NRG2: variants seen among roughly 807,000 people sequenced by gnomAD.
NRG2 encodes neuregulin 2.
A neutral mutation model predicts 73.9 loss-of-function variants in NRG2; 27 were observed. That is an observed-to-expected ratio of 0.37 (90% CI 0.27 to 0.50). NRG2 has a LOEUF of 0.50. Among genes scored for constraint, NRG2 ranks in the 20% least tolerant of loss-of-function variants. NRG2 has a pLI of 0.96. For missense variants in NRG2, 1,126 were observed against 1,210.1 expected (o/e 0.93, Z 1.03); for synonymous variants, 532 against 541.0 (o/e 0.98, Z 0.23).
intron 1 of NRG2, among the ~76,000 whole-genome samples, chr5:140,004,662 T>C (rs569186591): frequency 5.3e-5 from 8 of 152,234 alleles, no homozygotes; most frequent in African/African-American, 1.4e-4. Context: ...GTCAAGATCA[T>C]GGAAGGCAGG....
At chr5:139,906,001 G>GCTTT (rs879681108) in intron 1 of NRG2, among the ~76,000 whole-genome samples, 6 of 152,010 alleles carry the variant, frequency 3.9e-5, no homozygotes, top group Admixed American at 2.0e-4. Flanking sequence ...ATCAGAGTGA[G>GCTTT]CTTTCTTTCT....
At chr5:139,993,795 T>TA (rs5871721) in intron 1 of NRG2, among the ~76,000 whole-genome samples, 152,269 of 152,344 alleles carry the variant, frequency 1, 76,097 homozygotes, top group Non-Finnish European at 1. Flanking sequence ...GTTACGCTGA[T>TA]AAAGGAGTAT....
In NRG2 at chr5:139,904,448, C is replaced by T; in HGVS notation, c.701-16937G>A. On this transcript the variant is annotated intron_variant, in intron 1 of 9. Transcript: ENST00000361474. The surrounding 1 kb of genome is among the most constrained non-coding windows in gnomAD (Gnocchi z 6.0). ...ACGGCCTCAGCTCTCCGCTGCCGCG[C>T]TGCGCCCCCGCCGCCTGCAGCCTCA... 8.7e-7 allele frequency: 1 copy of T among 1,155,206 alleles called. No individual in the cohort carries two copies. The highest frequency in any genetic ancestry group is 1.2e-6 in the Non-Finnish European group (1 of 810,104). The allele number at this position is 1,155,206 out of a possible 1,614,324, so 71.6% of individuals were successfully genotyped here. A position where few individuals can be genotyped will look rare whatever the true frequency, so the allele number is the denominator to read the frequency against.
intron 9 of NRG2, among the ~76,000 whole-genome samples, chr5:139,849,220 A>T (rs1761246612): frequency 6.6e-6 from 1 of 152,202 alleles, no homozygotes; most frequent in African/African-American, 2.4e-5. Context: ...CACAGCCAAG[A>T]AGTGGCAGAG....
At chr5:139,921,551 C>A (rs1751664251) in intron 1 of NRG2, among the ~76,000 whole-genome samples, 1 of 151,792 alleles carries the variant, frequency 6.6e-6, no homozygotes, top group Non-Finnish European at 1.5e-5. Context: ...TAACAGCTAC[C>A]TGTAAAAAAA....
chr5:140,000,093 T>A (rs1253361601), intron 1 of NRG2, among the ~76,000 whole-genome samples: 1 of 152,226 alleles, frequency 6.6e-6, no homozygotes, highest in African/African-American at 2.4e-5. Context: ...CACTATGATA[T>A]CCACAGAGCC....
At chr5:139,888,115 A>AAAACACACACACACACACACAC (rs370887031) in intron 1 of NRG2, among the ~76,000 whole-genome samples, 5 of 148,814 alleles carry the variant, frequency 3.4e-5, no homozygotes, top group African/African-American at 1.2e-4. Flanking sequence ...AAAACAAAAC[A>AAAACACACACACACACACACAC]ACACACACAC....
At position 139,936,636 on chromosome 5, in the gene NRG2, AC is replaced by A. The variant is rs759317389; in HGVS notation, c.701-49126del. 5.5e-4 allele frequency among the ~76,000 whole-genome samples: 84 copies of A among 152,304 alleles called. 1 individual carries two copies. The highest frequency in any genetic ancestry group is 1.0e-3 in the Non-Finnish European group (69 of 68,020). On this transcript the variant is annotated intron_variant, in intron 1 of 9. Coordinates refer to ENST00000361474, the MANE Select transcript of NRG2 (RefSeq NM_004883.3). ...ACTGCAGAAAATAGAGGTCAAGGGA[AC>A]ACTTCTCAACTCATTCTATGAGGCT...
intron 1 of NRG2, among the ~76,000 whole-genome samples, chr5:139,931,926 C>A (rs1437652835): frequency 6.6e-6 from 1 of 152,082 alleles, no homozygotes; most frequent in African/African-American, 2.4e-5. Context: ...ATCAAAAAGA[C>A]AAGAAATAAC....
Position 139,848,677 on chromosome 5 carries a change from G to A in NRG2, c.1793C>T (p.Thr598Met). 1 of 1,559,602 alleles carries A rather than the reference G, an allele frequency of 6.4e-7. No homozygotes were observed. The highest frequency in any genetic ancestry group is 2.5e-5 in the East Asian group (1 of 40,666). ...GTCCACGGGCGAGAGGCGCGCGGGC[G>A]TGGTCAGGGCCGACACGTACCTGCG... ...HSERYVSALT[T>M]PARLSPVDFH... Residue 598 changes from threonine (T) to methionine (M), a missense_variant, in exon 10 of 10, where the codon ACG becomes ATG. Thr to Met is a moderately conservative substitution (Grantham distance 81). This residue lies in a region of NRG2 where 539 missense variants were observed against 703.2 expected (regional missense o/e 0.77). Coordinates refer to ENST00000361474, the MANE Select transcript of NRG2 (RefSeq NM_004883.3).
At chr5:140,025,137 C>T (rs1307165683) in intron 1 of NRG2, among the ~76,000 whole-genome samples, 1 of 152,206 alleles carries the variant, frequency 6.6e-6, no homozygotes, top group Non-Finnish European at 1.5e-5. Context: ...GATTAGTACC[C>T]TCTTCCTCAA....
intron 1 of NRG2, among the ~76,000 whole-genome samples, chr5:139,989,274 C>T (rs1580886688): frequency 6.6e-6 from 1 of 152,042 alleles, no homozygotes; most frequent in African/African-American, 2.4e-5. Context: ...CCTCCTTCAT[C>T]TGGATACTAA....
intron 1 of NRG2, among the ~76,000 whole-genome samples, chr5:140,039,137 A>G (rs1761719266): frequency 6.6e-6 from 1 of 152,220 alleles, no homozygotes; most frequent in Admixed American, 6.5e-5. Flanking sequence ...GAAATCCCAA[A>G]GAAAGAAATG....
chr5:139,855,630 C>T (rs758674653), intron 6 of NRG2, 46 bp downstream of exon 6: 1 of 1,456,700 alleles, frequency 6.9e-7, no homozygotes, highest in South Asian at 1.1e-5. Context: ...CTTGGAGGCC[C>T]ATCCCTTGGC....
intron 1 of NRG2, among the ~76,000 whole-genome samples, chr5:140,033,483 G>A (rs1027417494): frequency 6.6e-6 from 1 of 152,134 alleles, no homozygotes; most frequent in Non-Finnish European, 1.5e-5. Flanking sequence ...CAGTCTTCTC[G>A]AAAAATTGAC....
chr5:139,883,749 A>G (rs931004055), intron 2 of NRG2, among the ~76,000 whole-genome samples: 4 of 152,150 alleles, frequency 2.6e-5, no homozygotes, highest in African/African-American at 9.7e-5. Context: ...GGTCGCAGGG[A>G]GTCAGAAGTT....
chr5:140,006,733 A>G (rs1737653394), intron 1 of NRG2, among the ~76,000 whole-genome samples: 1 of 152,170 alleles, frequency 6.6e-6, no homozygotes, highest in African/African-American at 2.4e-5. Flanking sequence ...ATACACCTTA[A>G]AACTTATTAT....
chr5:139,887,373 C>T lies in NRG2; in HGVS notation c.839G>A (p.Ser280Asn). The T allele has an allele frequency of 6.2e-7, 1 of 1,614,230 alleles. No homozygotes were observed. The highest frequency in any genetic ancestry group is 1.1e-5 in the South Asian group (1 of 91,082). Residue 280 changes from serine (S) to asparagine (N), a missense_variant, in exon 2 of 10, where the codon AGC (serine) becomes AAC (asparagine). Ser to Asn is a conservative substitution (Grantham distance 46). Coordinates refer to ENST00000361474, the MANE Select transcript of NRG2 (RefSeq NM_004883.3). This position sits in a 1 kb window ranked among gnomAD's most constrained non-coding sequence, Gnocchi z 4.5. ...GCCATATTTGATGCGAATGTCTCGGCTGCGGTTGAGCTCCTTGCCATCCTT... is the reference window on the plus strand; with the variant it reads ...GCCATATTTGATGCGAATGTCTCGGTTGCGGTTGAGCTCCTTGCCATCCTT... Reference protein sequence around the residue: ...WFKDGKELNRSRDIRIKYGNG... With the variant: ...WFKDGKELNRNRDIRIKYGNG...
At chr5:139,938,921 GA>G (rs1169530844) in intron 1 of NRG2, among the ~76,000 whole-genome samples, 13 of 101,580 alleles carry the variant, frequency 1.3e-4, no homozygotes, top group African/African-American at 4.6e-4. Context: ...AAGAAAGAAA[GA>G]AAGAAAGAAA....
Sources: allele counts gnomAD v4.1 joint callset (sites outside exome capture counted in the v4.1 genomes callset), GRCh38; gene constraint gnomAD v4.1.1; regional missense constraint gnomAD v4.1.1; non-coding constraint Gnocchi (gnomAD v3.1); transcripts MANE v1.5; gene names NCBI Gene and HGNC (gene_info 2026-07-23, HGNC 2026-07-21).